Variants in PTPRS observed in about 807,000 individuals in gnomAD.
The protein encoded by PTPRS is protein tyrosine phosphatase receptor type S, also known as receptor-type tyrosine-protein phosphatase S.
A neutral mutation model predicts 215.3 loss-of-function variants in PTPRS; 63 were observed. The observed-to-expected ratio is 0.29, with a 90% CI of 0.24 to 0.36. The LOEUF (loss-of-function observed/expected upper bound fraction) is 0.36, where lower values mean the gene tolerates loss of function less well. PTPRS is among the 10% of genes least tolerant of loss of function. PTPRS has a pLI of 1.00. For missense variants in PTPRS, 2,258 were observed against 2,825.8 expected, an observed-to-expected ratio of 0.80 and a Z score of 4.56; for synonymous variants, 1,404 against 1,191.4, an observed-to-expected ratio of 1.18 and a Z score of -3.68.
intron 1 of PTPRS, 79 bp from the exon 2 acceptor site, chr19:5,286,313 AC>A (rs1279394413): frequency 1.5e-6 from 1 of 688,138 alleles, no homozygotes; most frequent in African/African-American, 1.8e-5. Context: ...AGGGAGGGTC[AC>A]ATGGAGCAGG....
intron 11 of PTPRS, among the ~76,000 whole-genome samples, chr19:5,240,589 C>T (rs1408512338): frequency 6.6e-6 from 1 of 152,008 alleles, no homozygotes; most frequent in Non-Finnish European, 1.5e-5. Flanking sequence ...CCTGTAATCC[C>T]AGCACTTTAG....
Position 5,237,873 on chromosome 19 carries a change from C to G in PTPRS, c.1849+1046G>C, listed in dbSNP as rs1173482392. On this transcript the variant is annotated intron_variant, in intron 13 of 37. Transcript: ENST00000262963. This position sits in a 1 kb window ranked among gnomAD's most constrained non-coding sequence, Gnocchi z 4.2. ...CGGCGGGGGCAGGGGGGTTGTGTCTCCGAGGCGCCCCACCCCCCCGATCCC... is the reference window on the plus strand; with the variant it reads ...CGGCGGGGGCAGGGGGGTTGTGTCTGCGAGGCGCCCCACCCCCCCGATCCC... Among the ~76,000 whole-genome samples, 1 of 152,056 alleles carries G rather than the reference C, an allele frequency of 6.6e-6. No homozygotes were observed.
chr19:5,304,983 A>AC (rs969027601), intron 1 of PTPRS, among the ~76,000 whole-genome samples: 10 of 149,950 alleles, frequency 6.7e-5, no homozygotes, highest in South Asian at 2.1e-4. Context: ...ACTTCCCACT[A>AC]CCCCCCCAGA....
intron 35 of PTPRS, among the ~76,000 whole-genome samples, chr19:5,209,105 C>T (rs1413323137): frequency 6.6e-6 from 1 of 152,112 alleles, no homozygotes; most frequent in East Asian, 1.9e-4. Flanking sequence ...TCCCGAGTTC[C>T]ACCCAACACC....
chr19:5,221,328 C>A (rs1168606339), intron 19 of PTPRS, 75 bp from the exon 20 acceptor site: 3 of 1,536,226 alleles, frequency 2.0e-6, no homozygotes, highest in South Asian at 1.2e-5. Flanking sequence ...CAGGATGAGT[C>A]CCCCACCCTG....
chr19:5,246,535 T>C (rs35578185), intron 9 of PTPRS, among the ~76,000 whole-genome samples: 7,994 of 152,272 alleles, frequency 0.052, 260 homozygotes, highest in Non-Finnish European at 0.067. Flanking sequence ...GGCATCCCCT[T>C]CGGGGAGCGC....
chr19:5,335,009 C>T (rs933771644), intron 1 of PTPRS, among the ~76,000 whole-genome samples: 19 of 152,282 alleles, frequency 1.2e-4, no homozygotes, highest in African/African-American at 4.3e-4. Flanking sequence ...TAATTATAAG[C>T]GGCATTAAAT....
In PTPRS at chr19:5,215,685, C is replaced by T. The variant is rs530534725; in HGVS notation, c.4097-90G>A. On this transcript the variant is annotated intron_variant, in intron 26 of 37. Transcript: ENST00000262963. ...GGGGGGTGATCTACGTGTGAGTCTG[C>T]GATGGGTGAGCTGTGGTTAGAAGGG... 188 of 912,660 alleles carry T rather than the reference C, an allele frequency of 2.1e-4. No individual in the cohort carries two copies. In the East Asian group the frequency reaches 4.0e-3, roughly 19 times the overall value. The allele number at this position is 912,660 out of a possible 1,614,324, so 56.5% of individuals were successfully genotyped here. A position where few individuals can be genotyped will look rare whatever the true frequency, so the allele number is the denominator to read the frequency against.
At chr19:5,313,542 G>A (rs1007505994) in intron 1 of PTPRS, among the ~76,000 whole-genome samples, 2 of 152,172 alleles carry the variant, frequency 1.3e-5, no homozygotes, top group Admixed American at 1.3e-4. Flanking sequence ...GGCCGGGGCC[G>A]ACGGCTGGCA....
chr19:5,302,824 G>A (rs1247382273), intron 1 of PTPRS, among the ~76,000 whole-genome samples: 3 of 151,366 alleles, frequency 2.0e-5, no homozygotes, highest in African/African-American at 7.3e-5. Flanking sequence ...TTGGGAGGTT[G>A]AGGCGGGCGG....
At chr19:5,305,765 ATT>A (rs144512818) in intron 1 of PTPRS, among the ~76,000 whole-genome samples, 4,513 of 93,284 alleles carry the variant, frequency 0.048, 199 homozygotes, top group African/African-American at 0.16. Context: ...ATATATATAT[ATT>A]TTTTTTTTAA....
At chr19:5,260,966 G>A (rs1008735375) in intron 6 of PTPRS, 144 bp from the exon 7 acceptor site, 28 of 964,358 alleles carry the variant, frequency 2.9e-5, no homozygotes, top group Admixed American at 4.5e-5. Context: ...CTGGGCATAC[G>A]GACCCTGCGG....
chr19:5,229,149 T>C (rs2042779837), intron 16 of PTPRS, among the ~76,000 whole-genome samples, 167 bp downstream of exon 16: 2 of 152,186 alleles, frequency 1.3e-5, no homozygotes, highest in Admixed American at 1.3e-4. Context: ...GGTGCAAACA[T>C]CGAGGCTGGG....
rs748114924 is a variant in PTPRS at position 5,205,663 on chromosome 19, T to A, written c.*1111A>T. On this transcript the variant is annotated 3_prime_UTR_variant, in exon 38 of 38. Transcript: ENST00000262963. ...AACTCGCTTGCTCAGGGTAGGCGGGTAGAGGGGGGCCTGTCCTTCTGGTTT... is the reference window on the plus strand; with the variant it reads ...AACTCGCTTGCTCAGGGTAGGCGGGAAGAGGGGGGCCTGTCCTTCTGGTTT... Among the ~76,000 whole-genome samples the A allele has an allele frequency of 4.6e-5, 7 of 151,990 alleles. No individual in the cohort carries two copies. Among genetic ancestry groups the A allele is most frequent in the Admixed American group, 6.6e-5 (1 of 15,266 alleles).
In PTPRS at chr19:5,328,931, A is replaced by G. The variant is rs555514212; in HGVS notation, c.-95+11733T>C. 2.3e-3 allele frequency among the ~76,000 whole-genome samples: 347 copies of G among 152,118 alleles called. 4 individuals are homozygous for G. The highest frequency in any genetic ancestry group is 1.3e-4 in the Non-Finnish European group (9 of 67,972). ...CTGCCGAGGCAGGGCTTTCCCCATC[A>G]TTACCTGCCTGATCAAGGTCATTAG... On this transcript the variant is annotated intron_variant, in intron 1 of 37. Coordinates refer to ENST00000262963, the MANE Select transcript of PTPRS (RefSeq NM_002850.4).
intron 9 of PTPRS, among the ~76,000 whole-genome samples, chr19:5,253,990 G>A (rs1246450545): frequency 3.9e-5 from 6 of 152,182 alleles, no homozygotes; most frequent in Admixed American, 1.3e-4. Context: ...AGGTCACGTA[G>A]CCAGGGAGGG....
At chr19:5,231,885 T>C (rs1322525746) in intron 13 of PTPRS, among the ~76,000 whole-genome samples, 1 of 152,068 alleles carries the variant, frequency 6.6e-6, no homozygotes, top group African/African-American at 2.4e-5. Context: ...TGGTGCACAG[T>C]AGGTCTTAGG....
chr19:5,218,528 G>T lies in PTPRS; in HGVS notation c.3940C>A (p.Arg1314Ser). Residue 1314 changes from arginine to serine, a missense_variant, in exon 25 of 38, where the codon CGC becomes AGC. This residue lies in a region of PTPRS where 927 missense variants were observed against 1,125.9 expected (regional missense o/e 0.82). Transcript: ENST00000262963. ...TTGGTGCGGGGTTCTGAGTCCTTGC[G>T]TTTACTTTAGGAGAAGCAAGCGGAA... Reference protein sequence around the residue: ...LLYKNKPDSKRKDSEPRTKCL... With the variant: ...LLYKNKPDSKSKDSEPRTKCL... The T allele has an allele frequency of 6.2e-7, 1 of 1,614,048 alleles. No homozygotes were observed. Among genetic ancestry groups the T allele is most frequent in the Non-Finnish European group, 8.5e-7 (1 of 1,179,924 alleles).
At chr19:5,277,665 A>T (rs2047504090) in intron 2 of PTPRS, 1 of 479,058 alleles carries the variant, frequency 2.1e-6, no homozygotes, top group South Asian at 1.9e-5. Context: ...CAAAAAAAAA[A>T]AAAAGGAGGA....
Sources: gnomAD v4.1 joint callset for allele counts (sites outside exome capture counted in the v4.1 genomes callset) on GRCh38, gnomAD v4.1.1 for gene constraint, gnomAD v4.1.1 regional missense constraint, Gnocchi (gnomAD v3.1) non-coding constraint, MANE v1.5 for transcripts, NCBI Gene and HGNC (gene_info 2026-07-23, HGNC 2026-07-21) for gene names.